Variants in SLC9A6 observed in about 807,000 individuals in gnomAD.
SLC9A6 encodes sodium/hydrogen exchanger 6.
SLC9A6 carries 6 observed loss-of-function variants against 45.3 expected under a neutral mutation model. That is an observed-to-expected ratio of 0.13 (90% CI 0.07 to 0.26). The LOEUF (loss-of-function observed/expected upper bound fraction) is 0.26. SLC9A6 is among the 10% of genes least tolerant of loss of function. The pLI is 1.00. For missense variants in SLC9A6, 278 were observed against 503.7 expected, an observed-to-expected ratio of 0.55 and a Z score of 4.29; for synonymous variants, 191 against 187.7, an observed-to-expected ratio of 1.02 and a Z score of -0.14.
intron 13 of SLC9A6, among the ~76,000 whole-genome samples, chrX:136,025,624 T>C (rs890260732): frequency 1.2e-4 from 14 of 112,107 alleles, no homozygotes; most frequent in South Asian, 3.7e-4. Flanking sequence ...ATTATTACTT[T>C]AGGGAGGACC....
At position 135,985,834 on chromosome X, in the gene SLC9A6, T is replaced by A; in HGVS notation, c.169+7T>A. On this transcript the variant is annotated splice_region_variant and intron_variant, in intron 2 of 17. Transcript: ENST00000630721. ...GGCCTGGCTATGATTTATGGCAAGT[T>A]CCTCAACCCTTGTCAGCCCCTTGGC... The A allele has an allele frequency of 8.3e-7, 1 of 1,210,443 alleles. No individual in the cohort carries two copies. Among genetic ancestry groups the A allele is most frequent in the African/African-American group, 1.7e-5 (1 of 57,714 alleles).
intron 13 of SLC9A6, among the ~76,000 whole-genome samples, chrX:136,026,223 G>A (rs782365941): frequency 4.5e-5 from 5 of 111,681 alleles, no homozygotes; most frequent in African/African-American, 1.3e-4. Context: ...AATTTGTCTA[G>A]TACAATTTTA....
At chrX:136,013,192 TAAAA>T (rs1212786997) in intron 9 of SLC9A6, 138 bp downstream of exon 9, 1 of 689,670 alleles carries the variant, frequency 1.4e-6, no homozygotes, top group Non-Finnish European at 2.3e-6. Flanking sequence ...CTTTAGAACA[TAAAA>T]AAAAATTTTC....
chrX:136,041,056 G>A (rs1221456760), intron 17 of SLC9A6, among the ~76,000 whole-genome samples: 3 of 111,061 alleles, frequency 2.7e-5, no homozygotes, highest in African/African-American at 9.8e-5. Flanking sequence ...GGGAGGTGGA[G>A]GTTGTGAGCA....
intron 5 of SLC9A6, 54 bp downstream of exon 5, chrX:135,998,612 T>A (rs1556616943): frequency 1.1e-6 from 1 of 891,781 alleles, no homozygotes; most frequent in African/African-American, 2.0e-5. Context: ...AATTTTAAAA[T>A]AATATATTTT....
intron 16 of SLC9A6, among the ~76,000 whole-genome samples, chrX:136,036,919 A>T (rs2071421586): frequency 8.9e-6 from 1 of 112,409 alleles, no homozygotes; most frequent in African/African-American, 3.2e-5. Context: ...GTGAAGATCT[A>T]CTTTTTTCCA....
chrX:136,006,006 A>G (rs1004510685), intron 7 of SLC9A6, among the ~76,000 whole-genome samples: 3 of 111,962 alleles, frequency 2.7e-5, no homozygotes, highest in African/African-American at 9.7e-5. Flanking sequence ...CCAAAAGCTG[A>G]AGGGAAAGCA....
intron 17 of SLC9A6, among the ~76,000 whole-genome samples, chrX:136,041,414 G>A (rs782313273): frequency 8.9e-6 from 1 of 111,834 alleles, no homozygotes; most frequent in Admixed American, 9.5e-5. Flanking sequence ...CCAGGGAGGA[G>A]CATCCTACGG....
rs1185003973 is a variant in SLC9A6 at position 136,023,448 on chromosome X, A to G, written c.1306+751A>G. Among the ~76,000 whole-genome samples the G allele has an allele frequency of 3.7e-5, 4 of 107,245 alleles. No individual in the cohort carries two copies. In the Admixed American group the frequency reaches 4.1e-4, roughly 11 times the overall value. The allele number at this position is 107,245 out of a possible 115,157, so 93.1% of individuals were successfully genotyped here. A position where few individuals can be genotyped will look rare whatever the true frequency, so the allele number is the denominator to read the frequency against. Reference sequence around the variant, plus strand: ...AATCAAACTGTGATACATCCATGCTATGGAATACTACTGTGCACTAAAAAG... The same window carrying G: ...AATCAAACTGTGATACATCCATGCTGTGGAATACTACTGTGCACTAAAAAG... On this transcript the variant is annotated intron_variant, in intron 12 of 17. Transcript: ENST00000630721.
At chrX:136,012,476 G>A (rs1230889822) in intron 8 of SLC9A6, among the ~76,000 whole-genome samples, 4 of 113,152 alleles carry the variant, frequency 3.5e-5, no homozygotes, top group East Asian at 5.5e-4. Context: ...AAGCAGTGAA[G>A]TGCCTCAATT....
intron 10 of SLC9A6, 84 bp downstream of exon 10, chrX:136,013,521 T>C (rs2070962914): frequency 9.2e-6 from 6 of 653,710 alleles, no homozygotes; most frequent in Non-Finnish European, 1.5e-5. Flanking sequence ...AAAAAAATAG[T>C]CTTTGATCTG....
intron 2 of SLC9A6, 70 bp downstream of exon 2, chrX:135,985,897 T>C: frequency 8.8e-7 from 1 of 1,141,483 alleles, no homozygotes; most frequent in Non-Finnish European, 1.2e-6. Flanking sequence ...CTTCGCCTCC[T>C]CTGCTGGCCC....
At chrX:136,002,574 T>C (rs1409555227) in intron 7 of SLC9A6, among the ~76,000 whole-genome samples, 2 of 110,980 alleles carry the variant, frequency 1.8e-5, no homozygotes, top group Non-Finnish European at 3.8e-5. Flanking sequence ...TCTTTTTTTT[T>C]TTTGGAGATA....
chrX:136,010,404 G>A, intron 7 of SLC9A6, 38 bp from the exon 8 acceptor site: 1 of 1,199,003 alleles, frequency 8.3e-7, no homozygotes, highest in Non-Finnish European at 1.1e-6. Context: ...TAAAAGTAAA[G>A]GTTGTTTTCA....
At chrX:135,995,049 A>G in intron 3 of SLC9A6, 64 bp downstream of exon 3, 1 of 712,718 alleles carries the variant, frequency 1.4e-6, no homozygotes, top group Non-Finnish European at 2.2e-6. Flanking sequence ...ATGATCCAGG[A>G]GAAAATAAGT....
intron 6 of SLC9A6, among the ~76,000 whole-genome samples, chrX:136,000,579 A>G (rs1286622746): frequency 8.9e-6 from 1 of 112,225 alleles, no homozygotes; most frequent in Non-Finnish European, 1.9e-5. Context: ...GTTTGATAGG[A>G]CTATTGCCTG....
At chrX:136,015,716 A>T (rs1350900912) in intron 10 of SLC9A6, among the ~76,000 whole-genome samples, 1 of 111,914 alleles carries the variant, frequency 8.9e-6, no homozygotes, top group Non-Finnish European at 1.9e-5. Flanking sequence ...ACGCTTACTT[A>T]TTTTAATTTT....
intron 3 of SLC9A6, among the ~76,000 whole-genome samples, chrX:135,995,882 T>C (rs998348481): frequency 3.6e-5 from 4 of 110,502 alleles, no homozygotes; most frequent in Middle Eastern, 4.7e-3. Context: ...TCCCTGGAGC[T>C]GCTTTCTCCT....
At chrX:136,009,381 G>C (rs2070875875) in intron 7 of SLC9A6, among the ~76,000 whole-genome samples, 1 of 111,229 alleles carries the variant, frequency 9.0e-6, no homozygotes, top group Admixed American at 9.5e-5. Flanking sequence ...ATTTTAGTTT[G>C]ATCTTAGATT....
Sources: gnomAD v4.1 joint callset for allele counts (sites outside exome capture counted in the v4.1 genomes callset) on GRCh38, gnomAD v4.1.1 for gene constraint, MANE v1.5 for transcripts, NCBI Gene and HGNC (gene_info 2026-07-23, HGNC 2026-07-21) for gene names.